LARGE1: variants seen among roughly 807,000 people sequenced by gnomAD.
LARGE1 encodes the protein xylosyl- and glucuronyltransferase LARGE1.
A neutral mutation model predicts 87.6 loss-of-function variants in LARGE1; 43 were observed. That is an observed-to-expected ratio of 0.49 (90% confidence interval 0.38 to 0.63). The LOEUF (loss-of-function observed/expected upper bound fraction) is 0.63. LARGE1 is among the 30% of genes least tolerant of loss of function. The pLI is 0.00. For synonymous variants in LARGE1, 434 were observed against 394.6 expected (o/e 1.10, Z -1.18); for missense variants, 802 against 1,000.2 (o/e 0.80, Z 2.67).
chr22:33,237,999 A>G (rs1452098286), intron 11 of LARGE1, among the ~76,000 whole-genome samples: 1 of 152,230 alleles, frequency 6.6e-6, no homozygotes, highest in Admixed American at 6.5e-5. Flanking sequence ...TCTCAAAGTT[A>G]TATCTTGAGA....
At chr22:33,354,248 C>T (rs1569086869) in intron 9 of LARGE1, among the ~76,000 whole-genome samples, 1 of 152,150 alleles carries the variant, frequency 6.6e-6, no homozygotes, top group South Asian at 2.1e-4. Flanking sequence ...TTGTTTCCAT[C>T]GTTATGGGAT....
At chr22:33,480,943 C>T (rs112903161) in intron 6 of LARGE1, among the ~76,000 whole-genome samples, 3 of 151,992 alleles carry the variant, frequency 2.0e-5, no homozygotes, top group African/African-American at 7.2e-5. Context: ...TATGGATATA[C>T]CAAAATTTAA....
chr22:33,868,032 C>A (rs1239863377), intron 1 of LARGE1, among the ~76,000 whole-genome samples: 1 of 152,188 alleles, frequency 6.6e-6, no homozygotes, highest in African/African-American at 2.4e-5. Context: ...AGCACACTAC[C>A]CGCTCCATTT....
At chr22:33,115,785 C>A in the LARGE1 span, among the ~76,000 whole-genome samples, 1 of 146,536 alleles carries the variant, frequency 6.8e-6, no homozygotes, top group South Asian at 2.2e-4. Flanking sequence ...CCACTGCACT[C>A]CAGCCTGGCA....
intron 3 of LARGE1, among the ~76,000 whole-genome samples, chr22:33,639,715 A>G (rs1406692811): frequency 6.6e-6 from 1 of 152,194 alleles, no homozygotes; most frequent in African/African-American, 2.4e-5. Context: ...TGAGTCCCAG[A>G]ATAGACCTGA....
intron 9 of LARGE1, among the ~76,000 whole-genome samples, chr22:33,342,777 C>T (rs1481426290): frequency 6.6e-6 from 1 of 152,098 alleles, no homozygotes; most frequent in Non-Finnish European, 1.5e-5. Context: ...GCTGGTGTTA[C>T]ATAAGAAGGA....
chr22:33,203,267 C>T (rs1182718322), intron 11 of LARGE1, among the ~76,000 whole-genome samples: 5 of 152,148 alleles, frequency 3.3e-5, no homozygotes, highest in Non-Finnish European at 4.4e-5. Flanking sequence ...ACACTTGAAG[C>T]TCATCTGCTT....
rs755111975 is a variant in LARGE1 at position 33,343,117 on chromosome 22, TTTTG to T, written c.1132-5320_1132-5317del. ...ATATGCTAGACATTAGGCTGGTGTT[TTTTG>T]TTTGTTTGTTTGTTTGTTGTTTTAG... On this transcript the variant is annotated intron_variant, in intron 9 of 14. Coordinates refer to ENST00000397394, the MANE Select transcript of LARGE1 (RefSeq NM_133642.5). Among the ~76,000 whole-genome samples the T allele has an allele frequency of 9.7e-4, 147 of 152,200 alleles. 1 individual carries two copies. The East Asian group carries it at 0.017, about 17-fold the overall frequency.
chr22:33,649,611 G>A (rs1000054439), intron 3 of LARGE1, among the ~76,000 whole-genome samples: 1 of 152,148 alleles, frequency 6.6e-6, no homozygotes, highest in African/African-American at 2.4e-5. Flanking sequence ...ACTGGATCAA[G>A]GGTACTCTCT....
chr22:33,914,644 A>G (rs1431942195), intron 1 of LARGE1, among the ~76,000 whole-genome samples: 1 of 152,042 alleles, frequency 6.6e-6, no homozygotes, highest in Non-Finnish European at 1.5e-5. Context: ...AGCCTTGTGT[A>G]TTTGCAGTGC....
chr22:33,083,403 TAC>T, the LARGE1 span, among the ~76,000 whole-genome samples: 3 of 152,354 alleles, frequency 2.0e-5, no homozygotes, highest in African/African-American at 7.2e-5. Flanking sequence ...TCCAAGTAAT[TAC>T]AGAGTGCAGT....
At chr22:33,349,899 G>T (rs1339235766) in intron 9 of LARGE1, among the ~76,000 whole-genome samples, 1 of 152,140 alleles carries the variant, frequency 6.6e-6, no homozygotes, top group African/African-American at 2.4e-5. Context: ...CATTATCCAG[G>T]AAAGGGGAAG....
At chr22:33,702,992 G>A (rs2082444263) in intron 2 of LARGE1, among the ~76,000 whole-genome samples, 1 of 152,146 alleles carries the variant, frequency 6.6e-6, no homozygotes, top group Non-Finnish European at 1.5e-5. Flanking sequence ...TCCAGGAAGT[G>A]CAAACACCAG....
Position 33,852,843 on chromosome 22 carries a change from G to A in LARGE1, c.-83+67152C>T, listed in dbSNP as rs138210833. 3.7e-3 allele frequency among the ~76,000 whole-genome samples: 428 copies of A among 114,348 alleles called. 2 individuals carry two copies. The highest frequency in any genetic ancestry group is 0.011 in the African/African-American group (320 of 29,192). 75.0% of individuals were successfully genotyped at this position (114,348 alleles called of 152,430 possible). On this transcript the variant is annotated intron_variant, in intron 1 of 14. Coordinates refer to ENST00000397394, the MANE Select transcript of LARGE1 (RefSeq NM_133642.5). ...TGCACTCCAGCGTGGGCAAGACAGC[G>A]AGACTCCGTCTCCAAAAAAAAAAAA...
intron 4 of LARGE1, among the ~76,000 whole-genome samples, chr22:33,608,054 G>A (rs189118714): frequency 6.6e-6 from 1 of 152,324 alleles, no homozygotes; most frequent in Admixed American, 6.5e-5. Context: ...CCAAGTCAGA[G>A]GCAGCAGGAC....
chr22:33,533,060 A>G (rs2076942850), intron 6 of LARGE1, among the ~76,000 whole-genome samples: 1 of 152,208 alleles, frequency 6.6e-6, no homozygotes, highest in African/African-American at 2.4e-5. Flanking sequence ...AAGTATATGC[A>G]TGTCTACTGC....
At chr22:33,692,576 G>T (rs1463122386) in intron 2 of LARGE1, among the ~76,000 whole-genome samples, 1 of 152,202 alleles carries the variant, frequency 6.6e-6, no homozygotes, top group African/African-American at 2.4e-5. Context: ...CTCCCAAAGT[G>T]GTGGAATTAT....
At chr22:33,575,974 A>T (rs1264962849) in intron 5 of LARGE1, among the ~76,000 whole-genome samples, 1 of 152,220 alleles carries the variant, frequency 6.6e-6, no homozygotes, top group Admixed American at 6.5e-5. Context: ...GGAGCATTTC[A>T]AAGCACTGGG....
At chr22:33,613,649 C>G (rs1042493706) in intron 4 of LARGE1, among the ~76,000 whole-genome samples, 2 of 152,106 alleles carry the variant, frequency 1.3e-5, no homozygotes, top group African/African-American at 4.8e-5. Flanking sequence ...TGTGCCATCA[C>G]GCCCGGCTAC....
Sources: gnomAD v4.1 joint callset for allele counts (sites outside exome capture counted in the v4.1 genomes callset) on GRCh38, gnomAD v4.1.1 for gene constraint, MANE v1.5 for transcripts, NCBI Gene and HGNC (gene_info 2026-07-23, HGNC 2026-07-21) for gene names.